SCN7A: variants seen among roughly 807,000 people sequenced by gnomAD.
The protein encoded by SCN7A is sodium channel protein type 7 subunit alpha.
A neutral mutation model predicts 155.2 loss-of-function variants in SCN7A; 138 were observed. That is an observed-to-expected ratio of 0.89 (90% CI 0.77 to 1.02). SCN7A has a LOEUF of 1.02. Among genes scored for constraint, SCN7A ranks in the 50% least tolerant of loss-of-function variants. The probability of loss-of-function intolerance (pLI) is 0.00; values close to 1 mark genes in which losing one functional copy is unlikely to be tolerated. For synonymous variants in SCN7A, 693 were observed against 649.0 expected (o/e 1.07, Z -1.03); for missense variants, 2,058 against 1,986.6 (o/e 1.04, Z -0.68).
intron 18 of SCN7A, among the ~76,000 whole-genome samples, chr2:166,426,148 T>C (rs527836713): frequency 5.9e-5 from 9 of 152,182 alleles, no homozygotes; most frequent in Non-Finnish European, 1.5e-5. Context: ...GAAAGCAAAA[T>C]TTCACACTTG....
chr2:166,434,892 C>T (rs1701805989), intron 15 of SCN7A, among the ~76,000 whole-genome samples: 1 of 151,592 alleles, frequency 6.6e-6, no homozygotes, highest in Admixed American at 6.6e-5. Flanking sequence ...AGGTAATAAA[C>T]AAATATTTAT....
rs566449063 is a variant in SCN7A at position 166,417,517 on chromosome 2, G to A, written c.3136-532C>T. Among the ~76,000 whole-genome samples the A allele has an allele frequency of 9.9e-4, 151 of 151,866 alleles. No individual in the cohort carries two copies. The Middle Eastern group carries it at 0.031, about 31-fold the overall frequency. On this transcript the variant is annotated intron_variant, in intron 20 of 25. Transcript: ENST00000643258. ...ATTCAACTCTAGATATTCTTAAAAT[G>A]TTTGTACTAAAAAATCATTAAATGG...
In SCN7A at chr2:166,447,669, T is replaced by C; in HGVS notation, c.1330A>G (p.Ile444Val). The change falls in exon 12 of 26, where the codon ATT becomes GTT. Residue 444 changes from isoleucine to valine, a missense_variant. Physicochemically the swap from Ile to Val is conservative, Grantham distance 29. Coordinates refer to ENST00000643258, the MANE Select transcript of SCN7A (RefSeq NM_002976.4). ...IQIEMKKRSP[I>V]STDTSLDVLE... Reference sequence around the variant, plus strand: ...ACATCCAATGATGTGTCTGTGGAAATTGGTGACCTTTTCTTCATTTCTATT... The same window carrying C: ...ACATCCAATGATGTGTCTGTGGAAACTGGTGACCTTTTCTTCATTTCTATT... The C allele has an allele frequency of 1.2e-6, 2 of 1,613,384 alleles. No individual in the cohort carries two copies. Among genetic ancestry groups the C allele is most frequent in the South Asian group, 1.1e-5 (1 of 91,052 alleles).
At chr2:166,417,521 G>C (rs994561705) in intron 20 of SCN7A, among the ~76,000 whole-genome samples, 2 of 151,702 alleles carry the variant, frequency 1.3e-5, no homozygotes, top group Non-Finnish European at 2.9e-5. Flanking sequence ...TAAAATGTTT[G>C]TACTAAAAAA....
chr2:166,427,852 A>G lies in SCN7A; in HGVS notation c.2789T>C (p.Ile930Thr), dbSNP rs746196067. ...ACACTTAAACCAATTGTTCTCTACA[A>G]TCTTGCAGCAGGTTTTCCTGATGTT... is the stretch of plus-strand genomic sequence containing the variant. Reference protein sequence around the residue: ...WQNIRKTCCKIVENNWFKCFI... With the variant: ...WQNIRKTCCKTVENNWFKCFI... The change falls in exon 18 of 26, where the codon ATT (isoleucine) becomes ACT (threonine). Residue 930 changes from isoleucine (I) to threonine (T), a missense_variant. Ile to Thr is a moderately conservative substitution (Grantham distance 89). Coordinates refer to ENST00000643258, the MANE Select transcript of SCN7A (RefSeq NM_002976.4). 1.9e-6 allele frequency: 3 copies of G among 1,612,552 alleles called. No homozygotes were observed. The highest frequency in any genetic ancestry group is 2.2e-5 in the South Asian group (2 of 90,994).
chr2:166,446,577 T>A (rs1249126782), intron 12 of SCN7A, among the ~76,000 whole-genome samples: 1 of 152,138 alleles, frequency 6.6e-6, no homozygotes, highest in Admixed American at 6.5e-5. Flanking sequence ...ACACGTATGT[T>A]CATTGCAGCG....
intron 10 of SCN7A, chr2:166,462,106 A>AAAAAAAAAAAAAC: frequency 5.1e-6 from 1 of 194,832 alleles, no homozygotes. Flanking sequence ...AAAAAAAAAA[A>AAAAAAAAAAAAAC]AAAGCACACA....
chr2:166,430,307 G>A (rs1218094680), intron 16 of SCN7A, among the ~76,000 whole-genome samples: 1 of 151,742 alleles, frequency 6.6e-6, no homozygotes, highest in Non-Finnish European at 1.5e-5. Flanking sequence ...AATCATTATA[G>A]TGCTCAAATA....
chr2:166,486,227 A>C (rs1703044378), intron 2 of SCN7A, among the ~76,000 whole-genome samples: 1 of 152,126 alleles, frequency 6.6e-6, no homozygotes, highest in African/African-American at 2.4e-5. Flanking sequence ...TTGACCCTTC[A>C]TTGTTGCCAG....
intron 19 of SCN7A, among the ~76,000 whole-genome samples, chr2:166,422,043 G>C (rs1231857647): frequency 6.6e-6 from 1 of 152,102 alleles, no homozygotes; most frequent in Non-Finnish European, 1.5e-5. Flanking sequence ...AAGGAATCTA[G>C]ACACAGAACA....
intron 15 of SCN7A, among the ~76,000 whole-genome samples, chr2:166,436,940 TA>T (rs1416184777): frequency 6.6e-6 from 1 of 151,976 alleles, no homozygotes; most frequent in African/African-American, 2.4e-5. Context: ...AAGCAGAGCA[TA>T]AAAATTTGTA....
intron 11 of SCN7A, among the ~76,000 whole-genome samples, chr2:166,456,096 C>T (rs1702267531): frequency 6.6e-6 from 1 of 152,100 alleles, no homozygotes; most frequent in Non-Finnish European, 1.5e-5. Context: ...TCTTAGCAAA[C>T]TAACACAGGA....
rs1219421096 is a variant in SCN7A at position 166,414,965 on chromosome 2, GGATAATATATAATATATATTATTATATA to G, written c.3414+1714_3414+1741del. On this transcript the variant is annotated intron_variant, in intron 21 of 25. Transcript: ENST00000643258. ...AATATATAATATATATTATTATATAGGATAATATATAATATATATTATTATATAGGATAATATATAATATATATTATTA... is the reference window on the plus strand; with the variant it reads ...AATATATAATATATATTATTATATAGGGATAATATATAATATATATTATTA... 8.4e-3 allele frequency among the ~76,000 whole-genome samples: 911 copies of G among 108,004 alleles called. 38 individuals are homozygous for G. Among genetic ancestry groups the G allele is most frequent in the Middle Eastern group, 0.016 (3 of 190 alleles). 70.9% of individuals were successfully genotyped at this position (108,004 alleles called of 152,430 possible).
chr2:166,412,976 T>A, intron 22 of SCN7A, 92 bp downstream of exon 22: 1 of 952,780 alleles, frequency 1.0e-6, no homozygotes, highest in Non-Finnish European at 1.6e-6. Flanking sequence ...TGCATTTGAT[T>A]TCTATTCATT....
chr2:166,481,310 G>C lies in SCN7A; in HGVS notation c.-14-3600C>G, dbSNP rs984300918. 2.6e-5 allele frequency among the ~76,000 whole-genome samples: 4 copies of C among 152,022 alleles called. No individual in the cohort carries two copies. The East Asian group carries it at 7.7e-4, about 29-fold the overall frequency. ...AAATAAGAATAAATCAAAATAATATGAGTAAAAATACCTAGTACAGTGATT... is the reference window on the plus strand; with the variant it reads ...AAATAAGAATAAATCAAAATAATATCAGTAAAAATACCTAGTACAGTGATT... On this transcript the variant is annotated intron_variant, in intron 2 of 25. Transcript: ENST00000643258.
chr2:166,432,854 T>A, intron 15 of SCN7A, 102 bp from the exon 16 acceptor site: 1 of 760,816 alleles, frequency 1.3e-6, no homozygotes, highest in Non-Finnish European at 2.0e-6. Flanking sequence ...TAATATCTAC[T>A]CTGTTAGCAT....
intron 9 of SCN7A, among the ~76,000 whole-genome samples, chr2:166,463,652 C>T (rs1361605378): frequency 6.6e-6 from 1 of 151,926 alleles, no homozygotes; most frequent in Non-Finnish European, 1.5e-5. Flanking sequence ...TTGGAATGTA[C>T]ATAAAAGGAA....
rs1701226678 is a variant in SCN7A at position 166,412,633 on chromosome 2, T to C, written c.3503A>G (p.Tyr1168Cys). 6.6e-7 allele frequency: 1 copy of C among 1,520,798 alleles called. No homozygotes were observed. Among genetic ancestry groups the C allele is most frequent in the Non-Finnish European group, 8.8e-7 (1 of 1,137,298 alleles). The allele number at this position is 1,520,798 out of a possible 1,614,324, so 94.2% of individuals were successfully genotyped here. A position where few individuals can be genotyped will look rare whatever the true frequency, so the allele number is the denominator to read the frequency against. Residue 1168 changes from tyrosine to cysteine, a missense_variant, in exon 23 of 26, where the codon TAC (tyrosine) becomes TGC (cysteine). Coordinates refer to ENST00000643258, the MANE Select transcript of SCN7A (RefSeq NM_002976.4). Reference sequence around the variant, plus strand: ...AAAGTTGATAAAGTAACAATACATGTAGATGTTGACTTCAAAATGAGGCTG... The same window carrying C: ...AAAGTTGATAAAGTAACAATACATGCAGATGTTGACTTCAAAATGAGGCTG... ...NIQPHFEVNI[Y>C]MYCYFINFII...
chr2:166,443,896 T>G (rs1335940707), intron 13 of SCN7A, among the ~76,000 whole-genome samples: 1 of 152,226 alleles, frequency 6.6e-6, no homozygotes, highest in East Asian at 1.9e-4. Context: ...GAATCTTTTA[T>G]TATTTTAATA....
Sources: gnomAD v4.1 joint callset for allele counts (sites outside exome capture counted in the v4.1 genomes callset) on GRCh38, gnomAD v4.1.1 for gene constraint, MANE v1.5 for transcripts, NCBI Gene and HGNC (gene_info 2026-07-23, HGNC 2026-07-21) for gene names.